EML4: variants seen among roughly 807,000 people sequenced by gnomAD.
EML4 encodes the protein echinoderm microtubule-associated protein-like 4.
EML4 carries 72 observed loss-of-function variants against 129.0 expected under a neutral mutation model. That is an observed-to-expected ratio of 0.56 (90% CI 0.46 to 0.68). The LOEUF (loss-of-function observed/expected upper bound fraction) is 0.68. Ranked by LOEUF, EML4 falls within the 30% of genes least tolerant of loss-of-function variation. The pLI, the probability that EML4 is intolerant of heterozygous loss-of-function variation, is 0.00. For synonymous variants in EML4, 532 were observed against 405.0 expected, an observed-to-expected ratio of 1.31 and a Z score of -3.77; for missense variants, 1,363 against 1,190.6, an observed-to-expected ratio of 1.14 and a Z score of -2.13.
Position 42,188,593 on chromosome 2 carries a change from T to C in EML4, c.25+18957T>C, listed in dbSNP as rs546449277. Among the ~76,000 whole-genome samples the C allele has an allele frequency of 1.3e-3, 201 of 152,182 alleles. 1 individual carries two copies. The highest frequency in any genetic ancestry group is 2.2e-3 in the Non-Finnish European group (148 of 68,018). On this transcript the variant is annotated intron_variant, in intron 1 of 22. Transcript: ENST00000318522. ...CAGAGTCTTGCTTTGTCACCCAGGC[T>C]GGAGTGCAGTGGTGCGATCTTGGCT... is the stretch of plus-strand genomic sequence containing the variant.
chr2:42,237,052 C>T (rs1450153628), intron 1 of EML4, among the ~76,000 whole-genome samples: 3 of 152,176 alleles, frequency 2.0e-5, no homozygotes, highest in Non-Finnish European at 2.9e-5. Flanking sequence ...CATCCTCCCA[C>T]CTCAGCCTCC....
chr2:42,313,696 G>A (rs1024057647), intron 17 of EML4, among the ~76,000 whole-genome samples: 48 of 152,292 alleles, frequency 3.2e-4, no homozygotes, highest in African/African-American at 9.1e-4. Context: ...GGGAGGACAA[G>A]GCGAGGGGAT....
At chr2:42,247,197 C>A (rs570636546) in intron 2 of EML4, among the ~76,000 whole-genome samples, 4 of 152,072 alleles carry the variant, frequency 2.6e-5, no homozygotes, top group Non-Finnish European at 4.4e-5. Flanking sequence ...GGCAAGTGTC[C>A]TGAGAATTTG....
At chr2:42,264,019 G>A (rs1277737920) in intron 5 of EML4, among the ~76,000 whole-genome samples, 4 of 151,782 alleles carry the variant, frequency 2.6e-5, no homozygotes, top group South Asian at 4.1e-4. Flanking sequence ...GTGAGCCACC[G>A]TGCCAGCCTG....
chr2:42,303,553 A>T, intron 16 of EML4, 107 bp downstream of exon 16: 18 of 1,199,312 alleles, frequency 1.5e-5, no homozygotes, highest in Non-Finnish European at 2.0e-5. Flanking sequence ...AACCAAATGT[A>T]AACATATGGT....
chr2:42,198,862 A>T (rs1572526943), intron 1 of EML4, among the ~76,000 whole-genome samples: 1 of 152,200 alleles, frequency 6.6e-6, no homozygotes, highest in East Asian at 1.9e-4. Flanking sequence ...TCTCTGCAGT[A>T]CCCAGCAGCC....
At chr2:42,181,613 G>T (rs1303586974) in intron 1 of EML4, among the ~76,000 whole-genome samples, 2 of 152,002 alleles carry the variant, frequency 1.3e-5, no homozygotes, top group Non-Finnish European at 2.9e-5. Context: ...ATATTTTTTT[G>T]ATGGGTTATA....
intron 17 of EML4, among the ~76,000 whole-genome samples, chr2:42,310,931 A>T (rs1668908451): frequency 6.6e-6 from 1 of 152,234 alleles, no homozygotes; most frequent in African/African-American, 2.4e-5. Context: ...CCAAAATTAT[A>T]TATGGAAGTT....
chr2:42,179,443 G>A (rs546251620), intron 1 of EML4, among the ~76,000 whole-genome samples: 22 of 152,058 alleles, frequency 1.4e-4, no homozygotes, highest in Non-Finnish European at 2.8e-4. Flanking sequence ...TGTGGATGGT[G>A]GTAAGTATTG....
intron 1 of EML4, among the ~76,000 whole-genome samples, chr2:42,237,709 TATAATA>T (rs1175130289): frequency 6.6e-6 from 1 of 152,214 alleles, no homozygotes; most frequent in Non-Finnish European, 1.5e-5. Flanking sequence ...GCTGTACTCT[TATAATA>T]AAGTAAGCTA....
At chr2:42,296,069 C>G (rs931913815) in intron 13 of EML4, among the ~76,000 whole-genome samples, 4 of 152,194 alleles carry the variant, frequency 2.6e-5, no homozygotes, top group Non-Finnish European at 4.4e-5. Context: ...CCTCTTTGCC[C>G]TTTTCTACGG....
intron 19 of EML4, among the ~76,000 whole-genome samples, chr2:42,323,394 C>A (rs1395810843): frequency 6.6e-6 from 1 of 152,144 alleles, no homozygotes; most frequent in African/African-American, 2.4e-5. Context: ...GCAAGTGATT[C>A]CCAACGTGTT....
At chr2:42,187,372 C>G (rs760885509) in intron 1 of EML4, among the ~76,000 whole-genome samples, 1 of 152,116 alleles carries the variant, frequency 6.6e-6, no homozygotes, top group East Asian at 1.9e-4. Flanking sequence ...TAGAATTTCA[C>G]ATGACTGGGA....
chr2:42,297,088 C>G (rs981921778), intron 13 of EML4, among the ~76,000 whole-genome samples: 2 of 152,176 alleles, frequency 1.3e-5, no homozygotes, highest in African/African-American at 4.8e-5. Flanking sequence ...GCCATATATT[C>G]TTAGCCTCTT....
chr2:42,182,340 T>C (rs1423113224), intron 1 of EML4, among the ~76,000 whole-genome samples: 1 of 137,812 alleles, frequency 7.3e-6, no homozygotes, highest in East Asian at 2.5e-4. Flanking sequence ...CTTCCTTGCT[T>C]GTTCAGGTTC....
chr2:42,303,488 C>T (rs1448233031), intron 16 of EML4, 42 bp downstream of exon 16: 17 of 1,598,526 alleles, frequency 1.1e-5, no homozygotes, highest in Non-Finnish European at 1.5e-5. Flanking sequence ...CCCACAGAAA[C>T]TCCTCACACT....
chr2:42,256,669 A>G, intron 3 of EML4, 39 bp downstream of exon 3: 2 of 1,609,952 alleles, frequency 1.2e-6, no homozygotes, highest in Non-Finnish European at 1.7e-6. Flanking sequence ...AACATTGCAG[A>G]ATTGTCTGAA....
chr2:42,235,411 T>C (rs1674604275), intron 1 of EML4, among the ~76,000 whole-genome samples: 2 of 151,984 alleles, frequency 1.3e-5, no homozygotes, highest in South Asian at 2.1e-4. Flanking sequence ...TGCAGTGAGC[T>C]GAGATCATGC....
chr2:42,221,905 A>G (rs1673630339), intron 1 of EML4, among the ~76,000 whole-genome samples: 1 of 151,942 alleles, frequency 6.6e-6, no homozygotes, highest in Admixed American at 6.6e-5. Flanking sequence ...CTCCAAGCCT[A>G]ATAAATTTTT....
Sources: gnomAD v4.1 joint callset for allele counts (sites outside exome capture counted in the v4.1 genomes callset) on GRCh38, gnomAD v4.1.1 for gene constraint, MANE v1.5 for transcripts, NCBI Gene and HGNC (gene_info 2026-07-23, HGNC 2026-07-21) for gene names.